Variants in XRCC4 observed in about 807,000 individuals in gnomAD.
The protein encoded by XRCC4 is DNA repair protein XRCC4.
XRCC4 carries 28 observed loss-of-function variants against 39.1 expected under a neutral mutation model. The ratio of observed to expected loss-of-function variants is 0.72; its 90% CI spans 0.53 to 0.98. The LOEUF is 0.98. XRCC4 is among the 50% of genes least tolerant of loss of function. The pLI is 0.00. For missense variants in XRCC4, 350 were observed against 376.4 expected (o/e 0.93, Z 0.58); for synonymous variants, 123 against 126.4 (o/e 0.97, Z 0.18).
At chr5:83,286,201 A>G (rs1201349947) in intron 7 of XRCC4, among the ~76,000 whole-genome samples, 2 of 151,930 alleles carry the variant, frequency 1.3e-5, no homozygotes, top group African/African-American at 4.8e-5. Flanking sequence ...CAATTAATCA[A>G]CTTCGTGTCT....
intron 3 of XRCC4, among the ~76,000 whole-genome samples, chr5:83,183,455 G>GT (rs1209328177): frequency 3.9e-4 from 34 of 86,480 alleles, no homozygotes; most frequent in African/African-American, 1.2e-3. Flanking sequence ...TGTGTGTGTG[G>GT]CACATCAAGC....
chr5:83,219,041 G>T (rs1751980703), intron 6 of XRCC4, among the ~76,000 whole-genome samples: 1 of 151,964 alleles, frequency 6.6e-6, no homozygotes, highest in African/African-American at 2.4e-5. Flanking sequence ...TTCTTCTGAG[G>T]GCTTTGAGGG....
intron 6 of XRCC4, among the ~76,000 whole-genome samples, chr5:83,206,188 T>C (rs1005793951): frequency 6.6e-6 from 1 of 152,156 alleles, no homozygotes; most frequent in Non-Finnish European, 1.5e-5. Context: ...AGGATTAGTC[T>C]GTGTATTGTG....
chr5:83,263,823 T>C (rs995598951), intron 7 of XRCC4, among the ~76,000 whole-genome samples: 40 of 151,774 alleles, frequency 2.6e-4, no homozygotes, highest in Non-Finnish European at 4.4e-4. Context: ...GTAGTTTCTT[T>C]TGCTGTGCAG....
At chr5:83,315,629 T>C (rs1755852472) in intron 7 of XRCC4, among the ~76,000 whole-genome samples, 1 of 152,142 alleles carries the variant, frequency 6.6e-6, no homozygotes, top group South Asian at 2.1e-4. Flanking sequence ...AGAATTAAGC[T>C]AAATCTATGC....
rs1204891619 is a variant in XRCC4, at chr5:83,218,304, C to T, written c.745+13383C>T. 2.7e-5 allele frequency among the ~76,000 whole-genome samples: 4 copies of T among 146,708 alleles called. No individual in the cohort carries two copies. The Admixed American group carries it at 2.8e-4, about 10-fold the overall frequency. ...ATGGTACATACTCTGCAACATTTCTCAAACTCATAAAACTTTATGAACTTT... is the reference window on the plus strand; with the variant it reads ...ATGGTACATACTCTGCAACATTTCTTAAACTCATAAAACTTTATGAACTTT... On this transcript the variant is annotated intron_variant, in intron 6 of 7. Transcript: ENST00000396027.
intron 3 of XRCC4, among the ~76,000 whole-genome samples, chr5:83,193,021 A>T (rs1277838953): frequency 6.6e-6 from 1 of 152,190 alleles, no homozygotes; most frequent in Non-Finnish European, 1.5e-5. Flanking sequence ...TTAAAATGAT[A>T]CTTAAATTGC....
intron 1 of XRCC4, among the ~76,000 whole-genome samples, chr5:83,101,188 C>T (rs1745918095): frequency 6.6e-6 from 1 of 151,798 alleles, no homozygotes; most frequent in Non-Finnish European, 1.5e-5. Context: ...GTGCTTTGTT[C>T]CTGATTCTGA....
chr5:83,199,461 CT>C, intron 4 of XRCC4, among the ~76,000 whole-genome samples: 1 of 152,100 alleles, frequency 6.6e-6, no homozygotes, highest in Non-Finnish European at 1.5e-5. Flanking sequence ...TCTATTCAGA[CT>C]TTCTTTTGAC....
chr5:83,089,448 A>T (rs1436881177), intron 1 of XRCC4, among the ~76,000 whole-genome samples: 1 of 152,150 alleles, frequency 6.6e-6, no homozygotes, highest in Non-Finnish European at 1.5e-5. Context: ...TTGACTTGGG[A>T]TCCTTGGAGG....
At position 83,167,351 on chromosome 5, in the gene XRCC4, G is replaced by A. The variant is rs182806421; in HGVS notation, c.316-28419G>A. Among the ~76,000 whole-genome samples, 130 of 152,196 alleles carry A rather than the reference G, an allele frequency of 8.5e-4. No homozygotes were observed. In the Middle Eastern group the frequency reaches 0.01, roughly 12 times the overall value. On this transcript the variant is annotated intron_variant, in intron 3 of 7. Coordinates refer to ENST00000396027, the MANE Select transcript of XRCC4 (RefSeq NM_003401.5). ...TAAGTATCCAGTGATATTCATGAAA[G>A]TAATGTGAGTGATCAGATTTGTGTT...
chr5:83,107,356 C>T (rs370750285), intron 2 of XRCC4, among the ~76,000 whole-genome samples: 29 of 151,634 alleles, frequency 1.9e-4, no homozygotes, highest in South Asian at 1.0e-3. Flanking sequence ...AACATGGAAA[C>T]GGATTTCCTT....
intron 6 of XRCC4, among the ~76,000 whole-genome samples, chr5:83,233,902 CAA>C (rs10629125): frequency 2.6e-4 from 20 of 77,950 alleles, no homozygotes; most frequent in Admixed American, 3.3e-4. Context: ...GACTTCATCT[CAA>C]AAAAAAAAAA....
At chr5:83,227,786 C>G (rs1293527800) in intron 6 of XRCC4, among the ~76,000 whole-genome samples, 6 of 151,988 alleles carry the variant, frequency 3.9e-5, no homozygotes, top group Non-Finnish European at 8.8e-5. Context: ...GGCTTTTTCT[C>G]TCATGAGAAA....
rs376996128 is a variant in XRCC4, at chr5:83,195,970, C to T, written c.482+34C>T. The T allele has an allele frequency of 8.3e-5, 127 of 1,528,372 alleles. No homozygotes were observed. The African/African-American group carries it at 9.0e-4, about 11-fold the overall frequency. 94.7% of individuals were successfully genotyped at this position (1,528,372 alleles called of 1,614,324 possible). A position where few individuals can be genotyped will look rare whatever the true frequency, so the allele number is the denominator to read the frequency against. On this transcript the variant is annotated intron_variant, in intron 4 of 7. Transcript: ENST00000396027. ...ACAGTTTGCTTGTGGTATAAAAATACGGAGCCCTCTTTATGTTGTTATAGC... is the reference window on the plus strand; with the variant it reads ...ACAGTTTGCTTGTGGTATAAAAATATGGAGCCCTCTTTATGTTGTTATAGC...
At chr5:83,216,637 A>G (rs1751870704) in intron 6 of XRCC4, among the ~76,000 whole-genome samples, 1 of 152,216 alleles carries the variant, frequency 6.6e-6, no homozygotes, top group Non-Finnish European at 1.5e-5. Flanking sequence ...GGCAATATAA[A>G]GGAGTAAACT....
chr5:83,342,125 G>A (rs1756779866), intron 7 of XRCC4, among the ~76,000 whole-genome samples: 2 of 152,142 alleles, frequency 1.3e-5, no homozygotes, highest in African/African-American at 4.8e-5. Context: ...GACATTTCAG[G>A]TATTGATTTT....
At chr5:83,250,844 A>G (rs1384995715) in intron 6 of XRCC4, among the ~76,000 whole-genome samples, 1 of 152,246 alleles carries the variant, frequency 6.6e-6, no homozygotes, top group Admixed American at 6.5e-5. Flanking sequence ...AAATTATAAT[A>G]GATATTTGAC....
chr5:83,231,242 A>T (rs1235780937), intron 6 of XRCC4, among the ~76,000 whole-genome samples: 1 of 152,068 alleles, frequency 6.6e-6, no homozygotes, highest in East Asian at 1.9e-4. Context: ...TGGAGCACAC[A>T]GACTAGTATT....
Sources: allele counts gnomAD v4.1 joint callset (sites outside exome capture counted in the v4.1 genomes callset), GRCh38; gene constraint gnomAD v4.1.1; transcripts MANE v1.5; gene names NCBI Gene and HGNC (gene_info 2026-07-23, HGNC 2026-07-21).